The following SUGCT variants were observed in gnomAD, a reference collection of about 807,000 sequenced individuals.
The protein encoded by SUGCT is succinyl-CoA:glutarate CoA-transferase.
Under a neutral mutation model 55.0 loss-of-function variants are expected in SUGCT, and 41 were observed. The observed-to-expected ratio is 0.74, with a 90% CI of 0.58 to 0.97. The LOEUF is 0.97. SUGCT is among the 50% of genes least tolerant of loss of function. SUGCT has a pLI of 0.00. For synonymous variants in SUGCT, 187 were observed against 200.4 expected, an observed-to-expected ratio of 0.93 and a Z score of 0.56; for missense variants, 568 against 547.8, an observed-to-expected ratio of 1.04 and a Z score of -0.37.
chr7:41,013,570 G>T, the SUGCT span, among the ~76,000 whole-genome samples: 1 of 152,114 alleles, frequency 6.6e-6, no homozygotes, highest in Admixed American at 6.6e-5. Flanking sequence ...GCATAAGTGC[G>T]CAGGTGTCTG....
At chr7:40,717,521 C>G (rs2128679844) in intron 12 of SUGCT, among the ~76,000 whole-genome samples, 1 of 152,304 alleles carries the variant, frequency 6.6e-6, no homozygotes, top group African/African-American at 2.4e-5. Flanking sequence ...TGGGCAGGTT[C>G]CCTCATTTGC....
chr7:40,379,990 C>A (rs1053116761), intron 9 of SUGCT, among the ~76,000 whole-genome samples: 3 of 152,174 alleles, frequency 2.0e-5, no homozygotes, highest in African/African-American at 7.2e-5. Context: ...CTGTTTCAGG[C>A]AGCTGAGATG....
chr7:40,605,013 G>C (rs1798456921), intron 12 of SUGCT, among the ~76,000 whole-genome samples: 1 of 152,210 alleles, frequency 6.6e-6, no homozygotes, highest in South Asian at 2.1e-4. Context: ...GGTATTGGGG[G>C]CTGTGTGCCC....
intron 12 of SUGCT, among the ~76,000 whole-genome samples, chr7:40,551,327 A>T (rs1795287801): frequency 6.6e-6 from 1 of 152,132 alleles, no homozygotes; most frequent in African/African-American, 2.4e-5. Context: ...TTCCTTAGGG[A>T]TATTATGTGT....
At chr7:40,246,808 A>G (rs905888099) in intron 7 of SUGCT, among the ~76,000 whole-genome samples, 7 of 151,514 alleles carry the variant, frequency 4.6e-5, no homozygotes, top group Admixed American at 6.6e-5. Context: ...CATGTTGGCC[A>G]GGCTTGTCTT....
chr7:40,996,816 G>A, the SUGCT span, among the ~76,000 whole-genome samples: 1 of 152,156 alleles, frequency 6.6e-6, no homozygotes, highest in Non-Finnish European at 1.5e-5. Flanking sequence ...TTTACTGAGG[G>A]GAGAAGCAAG....
the SUGCT span, among the ~76,000 whole-genome samples, chr7:41,031,141 G>T: frequency 1.3e-5 from 2 of 152,080 alleles, no homozygotes; most frequent in Admixed American, 1.3e-4. Flanking sequence ...TTTAAATTTT[G>T]TGTAGAGATG....
rs1471419683 is a variant in SUGCT, at chr7:40,804,261, CT to C, written c.1153+54766del. On this transcript the variant is annotated intron_variant, in intron 13 of 13. Transcript: ENST00000335693. ...TGCTTACAAAAGATTTAAATCAATGCTTACTTGAGCAATACAGCATTGATCT... is the reference window on the plus strand; with the variant it reads ...TGCTTACAAAAGATTTAAATCAATGCTACTTGAGCAATACAGCATTGATCT... Among the ~76,000 whole-genome samples, 3 of 152,220 alleles carry C rather than the reference CT, an allele frequency of 2.0e-5. No individual in the cohort carries two copies. The South Asian group carries it at 6.2e-4, about 32-fold the overall frequency.
intron 1 of SUGCT, among the ~76,000 whole-genome samples, chr7:40,174,501 A>T (rs1228884145): frequency 3.3e-5 from 5 of 152,220 alleles, no homozygotes; most frequent in Non-Finnish European, 4.4e-5. Flanking sequence ...TGCTGGATGC[A>T]GTGGCTCATG....
intron 10 of SUGCT, among the ~76,000 whole-genome samples, chr7:40,456,887 A>G (rs1789517193): frequency 6.6e-6 from 1 of 152,116 alleles, no homozygotes; most frequent in African/African-American, 2.4e-5. Flanking sequence ...TAGAGAGGTA[A>G]TAGCGCCATA....
intron 7 of SUGCT, among the ~76,000 whole-genome samples, chr7:40,248,865 C>T (rs1790090767): frequency 6.6e-6 from 1 of 151,670 alleles, no homozygotes; most frequent in South Asian, 2.1e-4. Context: ...AGATGTGGCT[C>T]TTTCCAGCGC....
chr7:41,030,492 C>T, the SUGCT span, among the ~76,000 whole-genome samples: 15 of 152,284 alleles, frequency 9.9e-5, no homozygotes, highest in African/African-American at 3.6e-4. Flanking sequence ...AAATAATAAG[C>T]AAATAAACAT....
At chr7:40,380,260 G>T (rs921702807) in intron 9 of SUGCT, among the ~76,000 whole-genome samples, 3 of 152,142 alleles carry the variant, frequency 2.0e-5, no homozygotes, top group Non-Finnish European at 4.4e-5. Flanking sequence ...GATGGGAATA[G>T]GGCAAGTTAA....
chr7:40,435,930 C>A (rs955888491), intron 9 of SUGCT, among the ~76,000 whole-genome samples: 1 of 123,050 alleles, frequency 8.1e-6, no homozygotes, highest in Non-Finnish European at 1.6e-5. Context: ...TGACTGCTTT[C>A]TTTTCTTTTC....
intron 12 of SUGCT, among the ~76,000 whole-genome samples, chr7:40,598,667 C>T (rs543692546): frequency 5.9e-5 from 9 of 152,304 alleles, no homozygotes; most frequent in Middle Eastern, 3.4e-3. Context: ...ACGGGACAAA[C>T]ATCTGTTTGG....
chr7:40,809,095 T>G (rs1192505410), intron 13 of SUGCT, among the ~76,000 whole-genome samples: 1 of 152,172 alleles, frequency 6.6e-6, no homozygotes, highest in Non-Finnish European at 1.5e-5. Flanking sequence ...ATTTTGCAAA[T>G]TAACATACCT....
At chr7:40,961,243 G>C in the SUGCT span, among the ~76,000 whole-genome samples, 2 of 152,306 alleles carry the variant, frequency 1.3e-5, no homozygotes, top group Non-Finnish European at 2.9e-5. Flanking sequence ...AGGCTGGGCT[G>C]CTCATCCATA....
In SUGCT at chr7:40,697,350, C is replaced by T. The variant is rs117098006; in HGVS notation, c.1090-52084C>T. Among the ~76,000 whole-genome samples the T allele has an allele frequency of 7.0e-4, 107 of 152,262 alleles. No homozygotes were observed. In the East Asian group the frequency reaches 0.019, roughly 28 times the overall value. ...GTAGTAGATGCTCAATAATTGATGG[C>T]TGGGCCAGGTGCAGTGGCTCATGCC... On this transcript the variant is annotated intron_variant, in intron 12 of 13. Transcript: ENST00000335693.
At chr7:40,612,202 T>C (rs1798798508) in intron 12 of SUGCT, among the ~76,000 whole-genome samples, 1 of 152,238 alleles carries the variant, frequency 6.6e-6, no homozygotes, top group African/African-American at 2.4e-5. Flanking sequence ...TTAGGTAATA[T>C]TAGATAACAG....
Sources: gnomAD v4.1 joint callset for allele counts (sites outside exome capture counted in the v4.1 genomes callset) on GRCh38, gnomAD v4.1.1 for gene constraint, MANE v1.5 for transcripts, NCBI Gene and HGNC (gene_info 2026-07-23, HGNC 2026-07-21) for gene names.